IPO9: variants seen among roughly 807,000 people sequenced by gnomAD.
The protein encoded by IPO9 is importin-9.
Under a neutral mutation model 128.6 loss-of-function variants are expected in IPO9, and 28 were observed. The observed-to-expected ratio is 0.22, with a 90% CI of 0.16 to 0.30. The LOEUF is 0.30. IPO9 is among the 10% of genes least tolerant of loss of function. IPO9 has a pLI of 1.00. For synonymous variants in IPO9, 455 were observed against 475.8 expected (o/e 0.96, Z 0.57); for missense variants, 935 against 1,293.9 (o/e 0.72, Z 4.26).
chr1:201,843,827 CAAAAA>C (rs35870198), intron 1 of IPO9, among the ~76,000 whole-genome samples: 2 of 95,980 alleles, frequency 2.1e-5, no homozygotes. Flanking sequence ...GATTCTGTCT[CAAAAA>C]AAAAAAAAAA....
intron 14 of IPO9, among the ~76,000 whole-genome samples, chr1:201,865,353 C>T (rs2102885597): frequency 6.6e-6 from 1 of 152,210 alleles, no homozygotes; most frequent in South Asian, 2.1e-4. Context: ...GGATTACAGG[C>T]ATGTGCCACC....
intron 13 of IPO9, among the ~76,000 whole-genome samples, chr1:201,860,401 T>C (rs963600185): frequency 2.0e-5 from 3 of 152,226 alleles, no homozygotes; most frequent in African/African-American, 7.2e-5. Flanking sequence ...CATTGTTGAA[T>C]ATGTTTTCTT....
intron 15 of IPO9, among the ~76,000 whole-genome samples, chr1:201,867,593 A>G (rs1680575951): frequency 6.6e-6 from 1 of 151,916 alleles, no homozygotes; most frequent in Admixed American, 6.5e-5. Context: ...GCATGTATGT[A>G]TAGATAGGTA....
chr1:201,866,244 G>GC (rs1000633569), intron 14 of IPO9, among the ~76,000 whole-genome samples: 17 of 151,906 alleles, frequency 1.1e-4, no homozygotes, highest in Non-Finnish European at 2.4e-4. Context: ...ACCTGCCTTG[G>GC]CCCCCCAAAG....
chr1:201,847,750 G>A (rs1428673275), intron 3 of IPO9, 112 bp downstream of exon 3: 5 of 755,926 alleles, frequency 6.6e-6, no homozygotes, highest in Non-Finnish European at 1.1e-5. Flanking sequence ...AGGCAGAAAA[G>A]GAGATTGGTG....
Position 201,881,906 on chromosome 1 carries a change from G to A in IPO9, c.*5852G>A, listed in dbSNP as rs952683976. The stretch of plus-strand genomic sequence containing the variant: ...GATGTTGACAAGATAAAGTCAGTAG[G>A]ACTTAAAGACTGACAAGTAAGGATT... On this transcript the variant is annotated 3_prime_UTR_variant, in exon 24 of 24. Coordinates refer to ENST00000361565, the MANE Select transcript of IPO9 (RefSeq NM_018085.5). The A allele has an allele frequency of 2.1e-4, 32 of 152,276 alleles. No individual in the cohort carries two copies. Among genetic ancestry groups the A allele is most frequent in the African/African-American group, 7.0e-4 (29 of 41,550 alleles). 9.4% of individuals were successfully genotyped at this position (152,276 alleles called of 1,614,324 possible). A position where few individuals can be genotyped will look rare whatever the true frequency, so the allele number is the denominator to read the frequency against.
At chr1:201,871,017 A>C (rs1195442232) in intron 18 of IPO9, 144 bp from the exon 19 acceptor site, 15 of 1,271,154 alleles carry the variant, frequency 1.2e-5, no homozygotes, top group Non-Finnish European at 1.6e-5. Context: ...AGAAACATGG[A>C]CAAGGAAATC....
intron 1 of IPO9, among the ~76,000 whole-genome samples, chr1:201,831,930 CTCAG>C (rs1679841707): frequency 6.6e-6 from 1 of 151,850 alleles, no homozygotes; most frequent in Non-Finnish European, 1.5e-5. Flanking sequence ...GAGACAGAGT[CTCAG>C]TCTGTCGCCC....
At chr1:201,841,711 G>C (rs73090404) in intron 1 of IPO9, among the ~76,000 whole-genome samples, 1,542 of 152,214 alleles carry the variant, frequency 0.01, 24 homozygotes, top group African/African-American at 0.035. Context: ...AAATAAGGAA[G>C]TGCTTGATAA....
chr1:201,875,955 A>G lies in IPO9; in HGVS notation c.3027A>G (p.Thr1009=), dbSNP rs775103631. Reference sequence around the variant, plus strand: ...GCTCTTTCCTCCAGGCATATCTCACAGATTTCCTCTGCCAGTTTGCTCAGC... The same window carrying G: ...GCTCTTTCCTCCAGGCATATCTCACGGATTTCCTCTGCCAGTTTGCTCAGC... The part of the protein sequence containing the change: ...LYQIDLQAYL[T]DFLCQFAQQP... Residue 1009 remains threonine, a synonymous_variant, in exon 24 of 24, where the codon ACA becomes ACG. Coordinates refer to ENST00000361565, the MANE Select transcript of IPO9 (RefSeq NM_018085.5). 1 of 1,608,424 alleles carries G rather than the reference A, an allele frequency of 6.2e-7. No individual in the cohort carries two copies. The highest frequency in any genetic ancestry group is 1.3e-5 in the African/African-American group (1 of 74,822).
At chr1:201,830,184 CAGG>C (rs1463121120) in intron 1 of IPO9, among the ~76,000 whole-genome samples, 1 of 152,202 alleles carries the variant, frequency 6.6e-6, no homozygotes, top group East Asian at 1.9e-4. Context: ...AATCCAGAAA[CAGG>C]AGGAGAAATC....
intron 21 of IPO9, 47 bp downstream of exon 21, chr1:201,874,419 A>G: frequency 6.4e-7 from 1 of 1,562,932 alleles, no homozygotes. Flanking sequence ...TGGCAGATCA[A>G]GTTACAAATT....
At chr1:201,875,326 A>G in intron 23 of IPO9, 98 bp downstream of exon 23, 2 of 1,078,690 alleles carry the variant, frequency 1.9e-6, no homozygotes, top group East Asian at 2.4e-5. Flanking sequence ...ATGGTGGCTC[A>G]TGCCTGTAAT....
In IPO9 at chr1:201,880,429, T is replaced by G. The variant is rs1463573693; in HGVS notation, c.*4375T>G. On this transcript the variant is annotated 3_prime_UTR_variant, in exon 24 of 24. Transcript: ENST00000361565. Reference sequence around the variant, plus strand: ...GCTAAGATGTAGAGGACAAATCGTGTCAAGGAAAAGAAGCTTGAAGGAGCT... The same window carrying G: ...GCTAAGATGTAGAGGACAAATCGTGGCAAGGAAAAGAAGCTTGAAGGAGCT... 6.6e-6 allele frequency: 1 copy of G among 152,152 alleles called. No individual in the cohort carries two copies. Among genetic ancestry groups the G allele is most frequent in the Non-Finnish European group, 1.5e-5 (1 of 68,040 alleles). The allele number at this position is 152,152 out of a possible 1,614,324, so 9.4% of individuals were successfully genotyped here. A position where few individuals can be genotyped will look rare whatever the true frequency, so the allele number is the denominator to read the frequency against.
rs1284589388 is a variant in IPO9 at position 201,855,793 on chromosome 1, G to A, written c.981G>A (p.Leu327=). Residue 327 remains leucine (L), a synonymous_variant, in exon 10 of 24, where the codon CTG becomes CTA. Coordinates refer to ENST00000361565, the MANE Select transcript of IPO9 (RefSeq NM_018085.5). ...EDPVDSDGEV[L]GFENLVFSIF... The stretch of plus-strand genomic sequence containing the variant: ...CTGTATTTCCTGCAGGTGAAGTCCT[G>A]GGCTTTGAAAATCTCGTCTTTAGCA... 1.2e-6 allele frequency: 2 copies of A among 1,610,054 alleles called. No homozygotes were observed. Among genetic ancestry groups the A allele is most frequent in the Non-Finnish European group, 1.7e-6 (2 of 1,179,254 alleles).
Position 201,847,584 on chromosome 1 carries a change from G to T in IPO9, c.258G>T (p.Glu86Asp). Reference protein sequence around the residue: ...LASVILKQYVETHWCAQSEKF... With the variant: ...LASVILKQYVDTHWCAQSEKF... ...CAGTCATCTTGAAACAATATGTGGA[G>T]ACTCACTGGTGTGCCCAATCAGAGA... The change falls in exon 3 of 24, where the codon GAG (glutamate) becomes GAT (aspartate). Residue 86 changes from glutamate (E) to aspartate (D), a missense_variant. Glu to Asp is a conservative substitution (Grantham distance 45). This residue lies in a region of IPO9 where 741 missense variants were observed against 1,019.1 expected (regional missense o/e 0.73). Coordinates refer to ENST00000361565, the MANE Select transcript of IPO9 (RefSeq NM_018085.5). 3.1e-6 allele frequency: 5 copies of T among 1,614,032 alleles called. No individual in the cohort carries two copies. Among genetic ancestry groups the T allele is most frequent in the Non-Finnish European group, 4.2e-6 (5 of 1,179,960 alleles).
intron 1 of IPO9, among the ~76,000 whole-genome samples, chr1:201,843,626 A>G (rs1680080891): frequency 6.6e-6 from 1 of 152,178 alleles, no homozygotes; most frequent in Non-Finnish European, 1.5e-5. Flanking sequence ...TCAAGAGTTC[A>G]AGACCAGCCT....
chr1:201,872,297 C>T (rs1680667489), intron 19 of IPO9, among the ~76,000 whole-genome samples: 1 of 152,152 alleles, frequency 6.6e-6, no homozygotes, highest in Non-Finnish European at 1.5e-5. Context: ...TGATTCTTAT[C>T]ACCTCGTTGC....
intron 1 of IPO9, among the ~76,000 whole-genome samples, chr1:201,836,069 A>G (rs1183175229): frequency 7.7e-6 from 1 of 130,476 alleles, no homozygotes; most frequent in Non-Finnish European, 1.6e-5. Flanking sequence ...CCAAGATCAC[A>G]CCACTGCACT....
Sources: allele counts gnomAD v4.1 joint callset (sites outside exome capture counted in the v4.1 genomes callset), GRCh38; gene constraint gnomAD v4.1.1; regional missense constraint gnomAD v4.1.1; transcripts MANE v1.5; gene names NCBI Gene and HGNC (gene_info 2026-07-23, HGNC 2026-07-21).